Variants in DOK5 observed in about 807,000 individuals in gnomAD.
The protein encoded by DOK5 is downstream of tyrosine kinase 5.
A neutral mutation model predicts 43.3 loss-of-function variants in DOK5; 27 were observed. That is an observed-to-expected ratio of 0.62 (90% CI 0.46 to 0.86). The LOEUF (loss-of-function observed/expected upper bound fraction) is 0.86, where lower values mean the gene tolerates loss of function less well. Ranked by LOEUF, DOK5 falls within the 40% of genes least tolerant of loss-of-function variation. The probability of loss-of-function intolerance (pLI) is 0.00; values close to 1 mark genes in which losing one functional copy is unlikely to be tolerated. For synonymous variants in DOK5, 146 were observed against 140.1 expected (o/e 1.04, Z -0.30); for missense variants, 373 against 392.9 (o/e 0.95, Z 0.43).
At chr20:54,580,404 A>AT (rs1343675767) in intron 2 of DOK5, among the ~76,000 whole-genome samples, 1 of 151,750 alleles carries the variant, frequency 6.6e-6, no homozygotes, top group Non-Finnish European at 1.5e-5. Flanking sequence ...TCTGTTTCTA[A>AT]TTTTTTGAGG....
At chr20:54,549,451 C>A (rs1984452719) in intron 1 of DOK5, among the ~76,000 whole-genome samples, 1 of 152,136 alleles carries the variant, frequency 6.6e-6, no homozygotes, top group South Asian at 2.1e-4. Flanking sequence ...TGTTCATAAA[C>A]CAAATTTGAG....
At chr20:54,538,845 A>C (rs935721356) in intron 1 of DOK5, among the ~76,000 whole-genome samples, 3 of 152,246 alleles carry the variant, frequency 2.0e-5, no homozygotes, top group African/African-American at 7.2e-5. Context: ...ATGGGTAAAC[A>C]AACTGTGTTA....
At chr20:54,491,660 A>T (rs1451675605) in intron 1 of DOK5, among the ~76,000 whole-genome samples, 1 of 152,068 alleles carries the variant, frequency 6.6e-6, no homozygotes, top group Non-Finnish European at 1.5e-5. Flanking sequence ...CCAGCTGTTC[A>T]CCTCTGCACA....
intron 6 of DOK5, among the ~76,000 whole-genome samples, chr20:54,638,519 G>A (rs1330295875): frequency 6.6e-6 from 1 of 152,138 alleles, no homozygotes; most frequent in African/African-American, 2.4e-5. Context: ...ATAGTCCCTT[G>A]ACCGGTTAAC....
chr20:54,605,784 C>A (rs529475817), intron 5 of DOK5, among the ~76,000 whole-genome samples: 40 of 152,266 alleles, frequency 2.6e-4, no homozygotes, highest in Admixed American at 2.4e-3. Flanking sequence ...GGAAAAGCTG[C>A]GAGTATATCA....
chr20:54,605,242 C>T (rs1300108399), intron 5 of DOK5, among the ~76,000 whole-genome samples: 2 of 152,158 alleles, frequency 1.3e-5, no homozygotes, highest in African/African-American at 4.8e-5. Context: ...CTTATTCATT[C>T]TGTCTACCAT....
chr20:54,614,067 T>C (rs867466482), intron 6 of DOK5, among the ~76,000 whole-genome samples: 96 of 150,912 alleles, frequency 6.4e-4, no homozygotes, highest in African/African-American at 2.3e-3. Flanking sequence ...TATTTGAGTT[T>C]ATATGTATAC....
intron 1 of DOK5, among the ~76,000 whole-genome samples, chr20:54,506,169 GGAAA>G (rs1982796841): frequency 1.3e-5 from 2 of 152,198 alleles, no homozygotes; most frequent in South Asian, 4.2e-4. Context: ...GAGTGCATCA[GGAAA>G]GAAAGAGAGA....
At chr20:54,613,192 A>C (rs1422500448) in intron 6 of DOK5, among the ~76,000 whole-genome samples, 8 of 142,958 alleles carry the variant, frequency 5.6e-5, no homozygotes, top group East Asian at 2.2e-4. Context: ...TCTGCGCCTC[A>C]TCTCTCTCTC....
intron 1 of DOK5, among the ~76,000 whole-genome samples, chr20:54,547,437 A>G (rs976722805): frequency 4.6e-5 from 7 of 152,210 alleles, no homozygotes; most frequent in African/African-American, 7.2e-5. Flanking sequence ...TTACTCTTTA[A>G]GACATTGTGA....
intron 1 of DOK5, among the ~76,000 whole-genome samples, chr20:54,541,176 A>G (rs1281919430): frequency 6.6e-6 from 1 of 152,132 alleles, no homozygotes; most frequent in Non-Finnish European, 1.5e-5. Context: ...ATTCAATCCC[A>G]TCAGTAAATC....
chr20:54,550,751 C>G (rs1984502203), intron 1 of DOK5, among the ~76,000 whole-genome samples: 1 of 151,978 alleles, frequency 6.6e-6, no homozygotes, highest in Non-Finnish European at 1.5e-5. Context: ...TAGTAGTATT[C>G]CATTGTATGG....
At chr20:54,484,763 C>T (rs1247101931) in intron 1 of DOK5, among the ~76,000 whole-genome samples, 1 of 152,194 alleles carries the variant, frequency 6.6e-6, no homozygotes, top group Non-Finnish European at 1.5e-5. Flanking sequence ...CCTGTCATCC[C>T]AGGACTTTGG....
intron 2 of DOK5, 103 bp downstream of exon 2, chr20:54,555,143 A>G: frequency 1.3e-6 from 1 of 745,814 alleles, no homozygotes; most frequent in East Asian, 2.6e-5. Context: ...GGTACAAGCA[A>G]TATCTTTTCC....
Position 54,481,051 on chromosome 20 carries a change from G to A in DOK5, c.66+5039G>A, listed in dbSNP as rs568346889. Among the ~76,000 whole-genome samples, 192 of 110,980 alleles carry A rather than the reference G, an allele frequency of 1.7e-3. 3 individuals carry two copies. The highest frequency in any genetic ancestry group is 7.9e-3 in the African/African-American group (166 of 20,934). The allele number at this position is 110,980 out of a possible 152,430, so 72.8% of individuals were successfully genotyped here. On this transcript the variant is annotated intron_variant, in intron 1 of 7. Coordinates refer to ENST00000262593, the MANE Select transcript of DOK5 (RefSeq NM_018431.5). ...TCTATCTATCATCTATCTATCATCT[G>A]TCTATCATCTATCTATCATCTATCT...
intron 1 of DOK5, among the ~76,000 whole-genome samples, chr20:54,490,708 C>T (rs2146667440): frequency 6.6e-6 from 1 of 152,316 alleles, no homozygotes; most frequent in Non-Finnish European, 1.5e-5. Flanking sequence ...GCCTCAGCCT[C>T]CCGAGTAAGT....
Position 54,576,703 on chromosome 20 carries a change from G to A in DOK5, c.175-11780G>A, listed in dbSNP as rs1985463884. The stretch of plus-strand genomic sequence containing the variant: ...TGTGTGTCTTAAATTTCATTTGAGT[G>A]GCAGCCTGCGTGGGCTTTAAACCAT... On this transcript the variant is annotated intron_variant, in intron 2 of 7. Coordinates refer to ENST00000262593, the MANE Select transcript of DOK5 (RefSeq NM_018431.5). Among the ~76,000 whole-genome samples, 4 of 152,282 alleles carry A rather than the reference G, an allele frequency of 2.6e-5. No individual in the cohort carries two copies. In the South Asian group the frequency reaches 8.3e-4, roughly 32 times the overall value.
intron 1 of DOK5, among the ~76,000 whole-genome samples, chr20:54,506,015 G>A (rs1047211560): frequency 6.6e-6 from 1 of 152,208 alleles, no homozygotes; most frequent in East Asian, 1.9e-4. Context: ...GCTTTGGATT[G>A]CATTTTAAAA....
chr20:54,644,920 T>G (rs1026832459), intron 7 of DOK5, among the ~76,000 whole-genome samples: 4 of 146,000 alleles, frequency 2.7e-5, no homozygotes, highest in Non-Finnish European at 6.2e-5. Context: ...TTTGTTTTGT[T>G]TTGTTTTTCA....
Sources: gnomAD v4.1 joint callset for allele counts (sites outside exome capture counted in the v4.1 genomes callset) on GRCh38, gnomAD v4.1.1 for gene constraint, MANE v1.5 for transcripts, NCBI Gene and HGNC (gene_info 2026-07-23, HGNC 2026-07-21) for gene names.